COL19A1: variants seen among roughly 807,000 people sequenced by gnomAD.
COL19A1 encodes the protein collagen type XIX alpha 1 chain.
COL19A1 carries 159 observed loss-of-function variants against 190.2 expected under a neutral mutation model. The ratio of observed to expected loss-of-function variants is 0.84; its 90% confidence interval spans 0.73 to 0.95. The LOEUF (loss-of-function observed/expected upper bound fraction) is 0.95. Ranked by LOEUF, COL19A1 falls within the 40% of genes least tolerant of loss-of-function variation. COL19A1 has a pLI of 0.00. For missense variants in COL19A1, 1,418 were observed against 1,431.9 expected (o/e 0.99, Z 0.16); for synonymous variants, 509 against 458.9 (o/e 1.11, Z -1.39).
chr6:70,184,315 C>A (rs1173768787), intron 44 of COL19A1, among the ~76,000 whole-genome samples: 1 of 152,298 alleles, frequency 6.6e-6, no homozygotes, highest in African/African-American at 2.4e-5. Context: ...TGCCATGAGG[C>A]ACCTTCTTAT....
chr6:70,034,506 G>T (rs1419601666), intron 13 of COL19A1, among the ~76,000 whole-genome samples: 3 of 152,146 alleles, frequency 2.0e-5, no homozygotes, highest in Non-Finnish European at 4.4e-5. Flanking sequence ...GTTGACATTA[G>T]CTGGTATTTA....
At chr6:70,048,902 C>T (rs1780045627) in intron 14 of COL19A1, among the ~76,000 whole-genome samples, 1 of 151,958 alleles carries the variant, frequency 6.6e-6, no homozygotes, top group African/African-American at 2.4e-5. Context: ...TTTTCAAAGG[C>T]TTACCCATTT....
chr6:69,917,687 G>C (rs1265750777), intron 4 of COL19A1, among the ~76,000 whole-genome samples: 1 of 152,146 alleles, frequency 6.6e-6, no homozygotes, highest in Non-Finnish European at 1.5e-5. Flanking sequence ...TGATATTTGA[G>C]CTGAGACCTG....
Position 70,055,790 on chromosome 6 carries a change from A to T in COL19A1, c.1171-12633A>T, listed in dbSNP as rs13212497. 6.9e-3 allele frequency among the ~76,000 whole-genome samples: 950 copies of T among 138,286 alleles called. 17 individuals are homozygous for T. The highest frequency in any genetic ancestry group is 0.024 in the African/African-American group (869 of 36,888). 90.7% of individuals were successfully genotyped at this position (138,286 alleles called of 152,430 possible). ...GAGCAAAACTCTGTATTAAAAAAAA[A>T]AAAAAAAAAAAAAAATTCACATTTT... On this transcript the variant is annotated intron_variant, in intron 14 of 50. Transcript: ENST00000620364.
At chr6:70,156,085 C>T in intron 31 of COL19A1, 42 bp from the exon 32 acceptor site, 1 of 1,576,640 alleles carries the variant, frequency 6.3e-7, no homozygotes, top group Non-Finnish European at 8.7e-7. Context: ...TTATAGACGG[C>T]TTTTATGACT....
intron 15 of COL19A1, among the ~76,000 whole-genome samples, chr6:70,079,556 A>G (rs978562703): frequency 4.3e-4 from 65 of 152,188 alleles, no homozygotes; most frequent in Non-Finnish European, 7.3e-5. Context: ...TTTAAAGTAT[A>G]GAAAAGTGGG....
Position 70,206,887 on chromosome 6 carries a change from T to C in COL19A1, c.3224-14T>C. On this transcript the variant is annotated splice_polypyrimidine_tract_variant and intron_variant, in intron 49 of 50. Coordinates refer to ENST00000620364, the MANE Select transcript of COL19A1 (RefSeq NM_001858.6). ...CCTTTTTGTGTGTCTCTTTTTTATA[T>C]ATTTCTCACTTAGGCTACAGAGGAC... 6.2e-7 allele frequency: 1 copy of C among 1,609,404 alleles called. No individual in the cohort carries two copies. Among genetic ancestry groups the C allele is most frequent in the South Asian group, 1.1e-5 (1 of 90,228 alleles).
At position 70,180,485 on chromosome 6, in the gene COL19A1, A is replaced by G. The variant is rs758641706; in HGVS notation, c.2737A>G (p.Ile913Val). The change falls in exon 44 of 51, where the codon ATA becomes GTA. Residue 913 changes from isoleucine (I) to valine (V), a missense_variant. By Grantham distance (29) the Ile-to-Val change is conservative. Transcript: ENST00000620364. ...GGGTGAGAGAGGACCTGTTGGAGAT[A>G]TAGGTTTCCCTGGACCAGAAGGACC... ...EPGERGPVGDIGFPGPEGPSG... is the reference protein window; with the variant it reads ...EPGERGPVGDVGFPGPEGPSG... The G allele has an allele frequency of 3.1e-6, 5 of 1,614,056 alleles. No individual in the cohort carries two copies. The Admixed American group carries it at 6.7e-5, about 22-fold the overall frequency.
chr6:69,922,720 A>G (rs928033516), intron 4 of COL19A1, among the ~76,000 whole-genome samples: 3 of 152,090 alleles, frequency 2.0e-5, no homozygotes, highest in Non-Finnish European at 4.4e-5. Context: ...ACCTCAAGTG[A>G]TCTGCCCGCC....
In COL19A1 at chr6:70,144,915, C is replaced by T; in HGVS notation, c.1681-3C>T. The T allele has an allele frequency of 1.9e-6, 3 of 1,558,892 alleles. No individual in the cohort carries two copies. On this transcript the variant is annotated splice_polypyrimidine_tract_variant and splice_region_variant and intron_variant, in intron 24 of 50. Transcript: ENST00000620364. ...AGTAAGAATCTTACCTTGTTTTCTA[C>T]AGGGAGATCCGGGTGGGATCATAGG...
intron 47 of COL19A1, 90 bp from the exon 48 acceptor site, chr6:70,190,224 AG>A (rs1410663397): frequency 2.2e-6 from 2 of 926,628 alleles, no homozygotes; most frequent in African/African-American, 3.4e-5. Context: ...TCCCTACAGA[AG>A]TTTCAAATAG....
chr6:69,970,401 G>T (rs1218825520), intron 11 of COL19A1, among the ~76,000 whole-genome samples: 1 of 152,066 alleles, frequency 6.6e-6, no homozygotes, highest in African/African-American at 2.4e-5. Flanking sequence ...TGGGAAAAAA[G>T]AAACACAATA....
intron 15 of COL19A1, among the ~76,000 whole-genome samples, chr6:70,082,387 A>C (rs1179067545): frequency 5.3e-5 from 8 of 152,194 alleles, no homozygotes; most frequent in Non-Finnish European, 1.0e-4. Flanking sequence ...TGTCATTAAA[A>C]CAAAATAATG....
intron 11 of COL19A1, among the ~76,000 whole-genome samples, chr6:70,002,603 A>G (rs1050783113): frequency 2.0e-5 from 3 of 149,740 alleles, no homozygotes; most frequent in Non-Finnish European, 3.0e-5. Context: ...TTTAAAATAT[A>G]TTTATATATA....
chr6:70,197,649 A>G (rs1473274027), intron 48 of COL19A1, among the ~76,000 whole-genome samples: 1 of 152,190 alleles, frequency 6.6e-6, no homozygotes, highest in Non-Finnish European at 1.5e-5. Flanking sequence ...CTAGAATAAG[A>G]TATAGTAATA....
intron 11 of COL19A1, among the ~76,000 whole-genome samples, chr6:69,992,922 T>C (rs1776707348): frequency 6.6e-6 from 1 of 152,124 alleles, no homozygotes; most frequent in African/African-American, 2.4e-5. Flanking sequence ...TGACTTCTTC[T>C]CTTTCTATTT....
At chr6:69,900,789 G>A (rs1406165475) in intron 4 of COL19A1, among the ~76,000 whole-genome samples, 1 of 152,020 alleles carries the variant, frequency 6.6e-6, no homozygotes, top group Non-Finnish European at 1.5e-5. Context: ...CTATTGTATA[G>A]AGTACATAGT....
chr6:70,000,385 G>C (rs1480112525), intron 11 of COL19A1, among the ~76,000 whole-genome samples: 2 of 152,172 alleles, frequency 1.3e-5, no homozygotes, highest in African/African-American at 2.4e-5. Context: ...TATATACCCA[G>C]TAATGGGATT....
At chr6:70,027,409 A>G (rs796917002) in intron 12 of COL19A1, among the ~76,000 whole-genome samples, 7 of 152,318 alleles carry the variant, frequency 4.6e-5, no homozygotes, top group African/African-American at 1.4e-4. Flanking sequence ...GCATTTTGGC[A>G]AGACAGTTCT....
Sources: allele counts gnomAD v4.1 joint callset (sites outside exome capture counted in the v4.1 genomes callset), GRCh38; gene constraint gnomAD v4.1.1; transcripts MANE v1.5; gene names NCBI Gene and HGNC (gene_info 2026-07-23, HGNC 2026-07-21).